DBF4B: variants seen among roughly 807,000 people sequenced by gnomAD.
The protein encoded by DBF4B is DBF4B-CDC7 kinase regulatory subunit, also known as protein DBF4 homolog B.
In DBF4B, 49 loss-of-function variants were observed where a neutral mutation model predicts 53.4. The ratio of observed to expected loss-of-function variants is 0.92; its 90% CI spans 0.73 to 1.16. The LOEUF (loss-of-function observed/expected upper bound fraction) is 1.16. Among genes scored for constraint, DBF4B ranks in the 50% most tolerant of loss-of-function variants. DBF4B has a pLI of 0.00. For missense variants in DBF4B, 692 were observed against 775.0 expected (o/e 0.89, Z 1.27); for synonymous variants, 257 against 288.7 (o/e 0.89, Z 1.11).
chr17:44,752,125 A>C lies in DBF4B; in HGVS notation c.*872A>C. 1 of 873,854 alleles carries C rather than the reference A, an allele frequency of 1.1e-6. No individual in the cohort carries two copies. The highest frequency in any genetic ancestry group is 2.7e-5 in the East Asian group (1 of 36,844). The allele number at this position is 873,854 out of a possible 1,614,324, so 54.1% of individuals were successfully genotyped here. On this transcript the variant is annotated 3_prime_UTR_variant, in exon 14 of 14. Transcript: ENST00000315005. ...AACTCCCTTCTGCTGGGTGGAATGC[A>C]GGAGCTAGCTGCCTCCAACTCACTG...
chr17:44,750,035 CCCCCT>C, intron 13 of DBF4B: 8 of 1,000,074 alleles, frequency 8.0e-6, no homozygotes, highest in Non-Finnish European at 9.5e-6. Context: ...GTGGCCAGAG[CCCCCT>C]CTGGGACCCC....
In DBF4B at chr17:44,749,327, T is replaced by C; in HGVS notation, c.1189+862T>C. ...CTGCTCCTACGAGTCCCCAAGGTGC[T>C]TGGCTCTTCACAGGGCCAGGCAGCT... On this transcript the variant is annotated intron_variant, in intron 13 of 13. Transcript: ENST00000315005. This position sits in a 1 kb window ranked among gnomAD's most constrained non-coding sequence, Gnocchi z 4.4. 1 of 1,290,016 alleles carries C rather than the reference T, an allele frequency of 7.8e-7. No individual in the cohort carries two copies. Among genetic ancestry groups the C allele is most frequent in the South Asian group, 1.2e-5 (1 of 81,644 alleles). The allele number at this position is 1,290,016 out of a possible 1,614,324, so 79.9% of individuals were successfully genotyped here. A position where few individuals can be genotyped will look rare whatever the true frequency, so the allele number is the denominator to read the frequency against.
At chr17:44,735,186 G>A (rs1004724506) in intron 7 of DBF4B, among the ~76,000 whole-genome samples, 9 of 152,200 alleles carry the variant, frequency 5.9e-5, no homozygotes, top group African/African-American at 1.7e-4. Context: ...GGACATTGCT[G>A]CTGTTAAATT....
chr17:44,714,539 A>T (rs551257405), intron 2 of DBF4B, among the ~76,000 whole-genome samples: 1 of 151,960 alleles, frequency 6.6e-6, no homozygotes, highest in Admixed American at 6.6e-5. Flanking sequence ...CCCCTTACTA[A>T]CAGTATGATC....
At chr17:44,729,677 T>TACACACACACAC (rs1429104175) in intron 3 of DBF4B, among the ~76,000 whole-genome samples, 1 of 100,400 alleles carries the variant, frequency 1.0e-5, no homozygotes, top group African/African-American at 3.9e-5. Flanking sequence ...AAACCTGTAA[T>TACACACACACAC]ACACATACAC....
At chr17:44,748,768 T>C (rs1188374573) in intron 13 of DBF4B, 4 of 1,327,750 alleles carry the variant, frequency 3.0e-6, no homozygotes, top group Non-Finnish European at 3.0e-6. Context: ...ACAGGCTTCA[T>C]TTTTTGTCCC....
At chr17:44,710,104 C>T (rs919676754) in intron 2 of DBF4B, among the ~76,000 whole-genome samples, 1 of 151,694 alleles carries the variant, frequency 6.6e-6, no homozygotes, top group Non-Finnish European at 1.5e-5. Context: ...ACCCAGGAGG[C>T]GGAGGTTGCA....
chr17:44,746,544 C>T (rs1473913983), intron 10 of DBF4B, among the ~76,000 whole-genome samples: 2 of 152,032 alleles, frequency 1.3e-5, no homozygotes, highest in East Asian at 1.9e-4. Context: ...AGATGGCTGG[C>T]GCGGTGGCTC....
chr17:44,713,751 T>C (rs1973104250), intron 2 of DBF4B, among the ~76,000 whole-genome samples: 1 of 152,176 alleles, frequency 6.6e-6, no homozygotes, highest in Admixed American at 6.6e-5. Flanking sequence ...AGGTCCAAAC[T>C]CTTCACCAGA....
chr17:44,723,273 A>AT (rs1401197399), intron 3 of DBF4B, among the ~76,000 whole-genome samples: 5 of 152,010 alleles, frequency 3.3e-5, no homozygotes, highest in Non-Finnish European at 7.4e-5. Flanking sequence ...CGTCTGGCTA[A>AT]TTTTTTGTAT....
Position 44,738,381 on chromosome 17 carries a change from G to T in DBF4B, c.670G>T (p.Ala224Ser). The change falls in exon 9 of 14, where the codon GCC becomes TCC. Residue 224 changes from alanine (A) to serine (S), a missense_variant and splice_region_variant. This residue lies in a region of DBF4B where 597 missense variants were observed against 665.8 expected (regional missense o/e 0.90). Transcript: ENST00000315005. ...PAAESRTRKV[A>S]RLKAPFLKIE... ...TGTGTGCATTCTTCCCCTTTCAGTG[G>T]CCAGACTGAAGGCCCCGTTCCTCAA... The T allele has an allele frequency of 6.2e-7, 1 of 1,613,522 alleles. No individual in the cohort carries two copies. The highest frequency in any genetic ancestry group is 8.5e-7 in the Non-Finnish European group (1 of 1,179,564).
At chr17:44,741,274 G>T in intron 9 of DBF4B, 62 bp from the exon 10 acceptor site, 3 of 1,220,532 alleles carry the variant, frequency 2.5e-6, no homozygotes, top group South Asian at 2.4e-5. Flanking sequence ...CATTGGGCGA[G>T]GCCCCCTCCT....
intron 1 of DBF4B, chr17:44,709,070 A>C: frequency 1.3e-6 from 1 of 775,092 alleles, no homozygotes; most frequent in Admixed American, 2.5e-5. Context: ...TGAGATGGAC[A>C]GGAGGTGGCC....
At chr17:44,742,902 G>A (rs1976224421) in intron 10 of DBF4B, among the ~76,000 whole-genome samples, 1 of 152,186 alleles carries the variant, frequency 6.6e-6, no homozygotes, top group African/African-American at 2.4e-5. Context: ...GGGCTGTGGG[G>A]TTATAGACCA....
At chr17:44,723,100 A>G (rs1449736466) in intron 3 of DBF4B, 78 bp downstream of exon 3, 8 of 1,551,252 alleles carry the variant, frequency 5.2e-6, no homozygotes, top group Non-Finnish European at 8.7e-7. Context: ...GATTATATCT[A>G]TGGTTTCCAA....
intron 2 of DBF4B, among the ~76,000 whole-genome samples, chr17:44,721,410 G>C (rs1973832369): frequency 6.6e-6 from 1 of 151,818 alleles, no homozygotes; most frequent in Non-Finnish European, 1.5e-5. Flanking sequence ...GTAGAGGCAG[G>C]GTTTTGCCAT....
intron 2 of DBF4B, among the ~76,000 whole-genome samples, chr17:44,713,607 C>T (rs1458102218): frequency 1.3e-5 from 2 of 152,084 alleles, no homozygotes; most frequent in African/African-American, 2.4e-5. Context: ...CGAGATCATG[C>T]CGCTGCACTC....
At chr17:44,735,391 G>T (rs1461739548) in intron 7 of DBF4B, among the ~76,000 whole-genome samples, 3 of 152,032 alleles carry the variant, frequency 2.0e-5, no homozygotes, top group African/African-American at 4.8e-5. Flanking sequence ...CAGTTTTGTA[G>T]GCCGGGCACA....
At position 44,734,089 on chromosome 17, in the gene DBF4B, G is replaced by A; in HGVS notation, c.557-1G>A. 1 of 1,613,764 alleles carries A rather than the reference G, an allele frequency of 6.2e-7. No individual in the cohort carries two copies. Among genetic ancestry groups the A allele is most frequent in the Non-Finnish European group, 8.5e-7 (1 of 1,179,650 alleles). On this transcript the variant is annotated splice_acceptor_variant, in intron 6 of 13. Transcript: ENST00000315005. LOFTEE classifies it high-confidence loss of function. ...GCACAAACCCTCTGTCTTCTCCACA[G>A]AAATGATGATGCACGTGCAACAGCT...
Sources: allele counts gnomAD v4.1 joint callset (sites outside exome capture counted in the v4.1 genomes callset), GRCh38; gene constraint gnomAD v4.1.1; regional missense constraint gnomAD v4.1.1; non-coding constraint Gnocchi (gnomAD v3.1); transcripts MANE v1.5; gene names NCBI Gene and HGNC (gene_info 2026-07-23, HGNC 2026-07-21).